Variants in ADPRHL1 observed in about 807,000 individuals in gnomAD.
ADPRHL1 encodes inactive ADP-ribosyltransferase ARH2.
Under a neutral mutation model 44.1 loss-of-function variants are expected in ADPRHL1, and 43 were observed. That is an observed-to-expected ratio of 0.98 (90% CI 0.76 to 1.26). The LOEUF is 1.26. ADPRHL1 is among the 50% of genes most tolerant of loss of function. ADPRHL1 has a pLI of 0.00. For synonymous variants in ADPRHL1, 878 were observed against 1,017.4 expected, an observed-to-expected ratio of 0.86 and a Z score of 2.61; for missense variants, 2,022 against 2,496.9, an observed-to-expected ratio of 0.81 and a Z score of 4.05.
At chr13:113,450,997 T>C (rs964771833) in intron 1 of ADPRHL1, among the ~76,000 whole-genome samples, 3 of 150,286 alleles carry the variant, frequency 2.0e-5, no homozygotes, top group African/African-American at 7.4e-5. Flanking sequence ...TGTTGTTCCT[T>C]GCCACCTTTT....
intron 7 of ADPRHL1, among the ~76,000 whole-genome samples, chr13:113,418,361 C>T (rs1334154902): frequency 2.0e-5 from 3 of 152,198 alleles, no homozygotes; most frequent in South Asian, 2.1e-4. Context: ...GCCACTTCCT[C>T]GGCTGGGTGC....
Position 113,405,920 on chromosome 13 carries a change from G to A in ADPRHL1, c.3362C>T (p.Ala1121Val), listed in dbSNP as rs571599323. ...CGCTGGTGCAGGCGTGGCGCGGCTC[G>A]CAACGCTCCCTGCAGCTGCCATCGC... Reference protein sequence around the residue: ...CGAMAAAGSVASRATPAPAPG... With the variant: ...CGAMAAAGSVVSRATPAPAPG... The change falls in exon 8 of 8, where the codon GCG becomes GTG. Residue 1121 changes from alanine to valine, a missense_variant. Ala to Val is a moderately conservative substitution (Grantham distance 64). Coordinates refer to ENST00000612156, the MANE Select transcript of ADPRHL1 (RefSeq NM_001394807.1). The A allele has an allele frequency of 3.0e-4, 375 of 1,232,054 alleles. 2 individuals are homozygous for A. The African/African-American group carries it at 5.3e-3, about 17-fold the overall frequency. The allele number at this position is 1,232,054 out of a possible 1,614,324, so 76.3% of individuals were successfully genotyped here.
Position 113,405,075 on chromosome 13 carries a change from C to A in ADPRHL1, c.4207G>T (p.Gly1403Cys). The A allele has an allele frequency of 8.1e-7, 1 of 1,232,194 alleles. No homozygotes were observed. Among genetic ancestry groups the A allele is most frequent in the Non-Finnish European group, 1.0e-6 (1 of 988,308 alleles). 76.3% of individuals were successfully genotyped at this position (1,232,194 alleles called of 1,614,324 possible). A position where few individuals can be genotyped will look rare whatever the true frequency, so the allele number is the denominator to read the frequency against. ...GDAGKRVAPS[G>C]SKVVLNPAKE... The stretch of plus-strand genomic sequence containing the variant: ...GCTGGGTTCAGCACAACCTTCGAGC[C>A]CGACGGCGCCACCCTCTTCCCCGCA... Residue 1403 changes from glycine (G) to cysteine (C), a missense_variant, in exon 8 of 8, where the codon GGC (glycine) becomes TGC (cysteine). Coordinates refer to ENST00000612156, the MANE Select transcript of ADPRHL1 (RefSeq NM_001394807.1).
intron 3 of ADPRHL1, 31 bp downstream of exon 3, chr13:113,433,711 G>T: frequency 6.4e-7 from 1 of 1,560,714 alleles, no homozygotes; most frequent in East Asian, 2.4e-5. Context: ...ACTCCACGCT[G>T]ACCTCCCTCC....
chr13:113,411,386 G>A lies in ADPRHL1; in HGVS notation c.1062-3166C>T, dbSNP rs1156784389. ...TCTGGGTGGTGGGGCCATGTCAGTG[G>A]ATCCTCATAGGTTGGACTAGCTGCA... On this transcript the variant is annotated intron_variant, in intron 7 of 7. Coordinates refer to ENST00000612156, the MANE Select transcript of ADPRHL1 (RefSeq NM_001394807.1). 2.0e-5 allele frequency among the ~76,000 whole-genome samples: 3 copies of A among 152,170 alleles called. No homozygotes were observed. The East Asian group carries it at 5.8e-4, about 29-fold the overall frequency.
In ADPRHL1 at chr13:113,410,165, C is replaced by T. The variant is rs112086214; in HGVS notation, c.1062-1945G>A. On this transcript the variant is annotated intron_variant, in intron 7 of 7. Coordinates refer to ENST00000612156, the MANE Select transcript of ADPRHL1 (RefSeq NM_001394807.1). ...ACCCCACACGGAGGAGTGGCAGGGC[C>T]GCAGATGGAACACAGGACTCCGCTT... 4,805 of 980,232 alleles carry T rather than the reference C, an allele frequency of 4.9e-3. 184 individuals are homozygous for T. The African/African-American group carries it at 0.077, about 16-fold the overall frequency. 60.7% of individuals were successfully genotyped at this position (980,232 alleles called of 1,614,324 possible). A position where few individuals can be genotyped will look rare whatever the true frequency, so the allele number is the denominator to read the frequency against.
At position 113,404,450 on chromosome 13, in the gene ADPRHL1, T is replaced by C. The variant is rs2139591192; in HGVS notation, c.4832A>G (p.Glu1611Gly). The C allele has an allele frequency of 7.6e-7, 1 of 1,312,252 alleles. No homozygotes were observed. The highest frequency in any genetic ancestry group is 9.6e-7 in the Non-Finnish European group (1 of 1,038,188). 81.3% of individuals were successfully genotyped at this position (1,312,252 alleles called of 1,614,324 possible). Residue 1611 changes from glutamate to glycine, a missense_variant, in exon 8 of 8, where the codon GAG becomes GGG. Transcript: ENST00000612156. ...CTGCCACTGGGCCTGTCCCTGAGCC[T>C]CTTCCTGGGCCCATTTCTGAACCTC... ...QGEVQKWAQE[E>G]AQGQAQWQTQ...
rs987844349 is a variant in ADPRHL1, at chr13:113,405,076, C to T, written c.4206G>A (p.Ser1402=). 11 of 1,232,200 alleles carry T rather than the reference C, an allele frequency of 8.9e-6. No individual in the cohort carries two copies. The highest frequency in any genetic ancestry group is 4.1e-5 in the South Asian group (1 of 24,354). The allele number at this position is 1,232,200 out of a possible 1,614,324, so 76.3% of individuals were successfully genotyped here. A position where few individuals can be genotyped will look rare whatever the true frequency, so the allele number is the denominator to read the frequency against. ...PGDAGKRVAP[S]GSKVVLNPAK... is the part of the protein sequence containing the mutation. The stretch of plus-strand genomic sequence containing the variant: ...CTGGGTTCAGCACAACCTTCGAGCC[C>T]GACGGCGCCACCCTCTTCCCCGCAT... The change falls in exon 8 of 8, where the codon TCG becomes TCA. Residue 1402 remains serine, a synonymous_variant. Coordinates refer to ENST00000612156, the MANE Select transcript of ADPRHL1 (RefSeq NM_001394807.1).
chr13:113,412,421 G>A (rs1178351675), intron 7 of ADPRHL1, among the ~76,000 whole-genome samples: 9 of 152,150 alleles, frequency 5.9e-5, no homozygotes, highest in African/African-American at 1.4e-4. Flanking sequence ...CTCGTGATCC[G>A]CCTGCCTCGG....
At chr13:113,446,583 T>C (rs1376885005) in intron 1 of ADPRHL1, among the ~76,000 whole-genome samples, 1 of 152,026 alleles carries the variant, frequency 6.6e-6, no homozygotes, top group Admixed American at 6.6e-5. Context: ...ATGCACAGTG[T>C]TGTCTTATGT....
chr13:113,444,297 G>C, intron 2 of ADPRHL1, 128 bp downstream of exon 2: 2 of 1,302,978 alleles, frequency 1.5e-6, no homozygotes, highest in Non-Finnish European at 2.1e-6. Context: ...CCCGACAAAG[G>C]GACTCTAGGC....
At chr13:113,442,274 G>C (rs2044104764) in intron 2 of ADPRHL1, among the ~76,000 whole-genome samples, 1 of 152,224 alleles carries the variant, frequency 6.6e-6, no homozygotes, top group African/African-American at 2.4e-5. Context: ...GGGCAACAAA[G>C]TGAGATCCTC....
intron 7 of ADPRHL1, among the ~76,000 whole-genome samples, chr13:113,416,015 C>T (rs1305829664): frequency 5.9e-5 from 9 of 151,738 alleles, no homozygotes; most frequent in South Asian, 2.1e-4. Flanking sequence ...GCTGGGATCC[C>T]GTGGGGTGGC....
intron 7 of ADPRHL1, among the ~76,000 whole-genome samples, chr13:113,414,386 C>A (rs929555103): frequency 1.3e-5 from 2 of 151,944 alleles, no homozygotes; most frequent in Non-Finnish European, 2.9e-5. Context: ...GAGCCGCCCC[C>A]CCTTCCTCCC....
At chr13:113,424,153 A>G in intron 6 of ADPRHL1, 64 bp downstream of exon 6, 1 of 1,597,076 alleles carries the variant, frequency 6.3e-7, no homozygotes, top group South Asian at 1.1e-5. Context: ...GGACACTCCG[A>G]GGGGGTGCTT....
chr13:113,433,730 G>A lies in ADPRHL1; in HGVS notation c.505+12C>T, dbSNP rs764036770. ...CACGCTGACCTCCCTCCCACCCCCC[G>A]CCCACACTTACCTGTGGGATGGTTG... On this transcript the variant is annotated intron_variant, in intron 3 of 7. Transcript: ENST00000612156. The A allele has an allele frequency of 3.8e-5, 57 of 1,486,942 alleles. No homozygotes were observed. In the East Asian group the frequency reaches 5.3e-4, roughly 14 times the overall value. 92.1% of individuals were successfully genotyped at this position (1,486,942 alleles called of 1,614,324 possible).
At chr13:113,445,734 C>G (rs569158042) in intron 1 of ADPRHL1, among the ~76,000 whole-genome samples, 2 of 152,206 alleles carry the variant, frequency 1.3e-5, no homozygotes, top group East Asian at 3.9e-4. Context: ...CTTTTTCAGC[C>G]GCATCAGAGC....
intron 4 of ADPRHL1, among the ~76,000 whole-genome samples, chr13:113,428,706 G>C (rs561315941): frequency 5.0e-4 from 76 of 152,380 alleles, no homozygotes; most frequent in Non-Finnish European, 1.0e-3. Flanking sequence ...AATGTCCCCG[G>C]CAGGCTCAGG....
rs1017342025 is a variant in ADPRHL1 at position 113,405,712 on chromosome 13, C to T, written c.3570G>A (p.Arg1190=). Residue 1190 remains arginine, a synonymous_variant, in exon 8 of 8, where the codon AGG becomes AGA. Transcript: ENST00000612156. ...CGAGGGCCACGCCTCTCAGGAGGCT[C>T]CTCCCTGCTGCTCCACTCTTGGGCT... ...SLEPKSGAAG[R]SLLRGVALVQ... is the part of the protein sequence containing the mutation. 2.0e-5 allele frequency: 25 copies of T among 1,231,810 alleles called. No individual in the cohort carries two copies. The highest frequency in any genetic ancestry group is 2.4e-5 in the Non-Finnish European group (24 of 988,108). 76.3% of individuals were successfully genotyped at this position (1,231,810 alleles called of 1,614,324 possible).
Sources: allele counts gnomAD v4.1 joint callset (sites outside exome capture counted in the v4.1 genomes callset), GRCh38; gene constraint gnomAD v4.1.1; transcripts MANE v1.5; gene names NCBI Gene and HGNC (gene_info 2026-07-23, HGNC 2026-07-21).